The following CDH18 variants were observed in gnomAD, a reference collection of about 807,000 sequenced individuals.
CDH18 encodes cadherin 18.
Under a neutral mutation model 67.9 loss-of-function variants are expected in CDH18, and 31 were observed. The ratio of observed to expected loss-of-function variants is 0.46; its 90% CI spans 0.34 to 0.62. The LOEUF (loss-of-function observed/expected upper bound fraction) is 0.62. Ranked by LOEUF, CDH18 falls within the 20% of genes least tolerant of loss-of-function variation. The pLI is 0.01. For missense variants in CDH18, 890 were observed against 975.5 expected (o/e 0.91, Z 1.17); for synonymous variants, 362 against 347.2 (o/e 1.04, Z -0.48).
chr5:19,728,042 A>G (rs1283494738), intron 4 of CDH18, among the ~76,000 whole-genome samples: 1 of 152,168 alleles, frequency 6.6e-6, no homozygotes, highest in Non-Finnish European at 1.5e-5. Flanking sequence ...AGAAAAGAAA[A>G]AAAATTATTA....
intron 1 of CDH18, among the ~76,000 whole-genome samples, chr5:20,493,111 G>A (rs994450872): frequency 3.3e-5 from 5 of 151,812 alleles, no homozygotes; most frequent in African/African-American, 4.8e-5. Flanking sequence ...CACTCTAGGA[G>A]GCCTAGGCGG....
intron 2 of CDH18, among the ~76,000 whole-genome samples, chr5:20,185,162 C>CATGCCAT (rs1043960902): frequency 1.5e-4 from 23 of 152,216 alleles, no homozygotes; most frequent in Admixed American, 1.5e-3. Flanking sequence ...CTTCATCTCA[C>CATGCCAT]ATGCCATATC....
intron 1 of CDH18, among the ~76,000 whole-genome samples, chr5:20,373,758 T>C (rs1462800401): frequency 6.6e-6 from 1 of 152,046 alleles, no homozygotes; most frequent in African/African-American, 2.4e-5. Flanking sequence ...AGTGAATGAG[T>C]AAATATAGAC....
intron 8 of CDH18, among the ~76,000 whole-genome samples, chr5:19,562,882 T>A (rs1292072222): frequency 6.6e-6 from 1 of 152,174 alleles, no homozygotes; most frequent in Non-Finnish European, 1.5e-5. Flanking sequence ...TTTCATCATA[T>A]AAGAAATGTT....
intron 1 of CDH18, among the ~76,000 whole-genome samples, chr5:20,533,486 G>A (rs992134934): frequency 5.9e-5 from 9 of 152,106 alleles, no homozygotes; most frequent in Admixed American, 3.9e-4. Flanking sequence ...GAAAGAGGAT[G>A]AGCCTTAATC....
intron 3 of CDH18, among the ~76,000 whole-genome samples, chr5:19,751,575 T>G (rs1435171148): frequency 6.6e-6 from 1 of 152,168 alleles, no homozygotes; most frequent in Non-Finnish European, 1.5e-5. Context: ...TATCCTTCAT[T>G]CCAGAATGTA....
At chr5:19,693,404 A>G (rs1762150792) in intron 5 of CDH18, among the ~76,000 whole-genome samples, 2 of 152,230 alleles carry the variant, frequency 1.3e-5, no homozygotes, top group Non-Finnish European at 1.5e-5. Context: ...AACCATCTAA[A>G]ACATCTGAAG....
chr5:20,525,828 A>ACT (rs1020959793), intron 1 of CDH18, among the ~76,000 whole-genome samples: 2 of 151,524 alleles, frequency 1.3e-5, no homozygotes, highest in African/African-American at 4.9e-5. Context: ...ACACACACAC[A>ACT]CACATTGAGC....
chr5:19,553,038 C>G (rs1168046960), intron 8 of CDH18, among the ~76,000 whole-genome samples: 2 of 152,196 alleles, frequency 1.3e-5, no homozygotes, highest in Admixed American at 6.5e-5. Context: ...AAAAAACAGA[C>G]AGAAAATTTA....
chr5:20,259,510 C>T (rs1177705159), intron 1 of CDH18, among the ~76,000 whole-genome samples: 3 of 152,068 alleles, frequency 2.0e-5, no homozygotes, highest in African/African-American at 7.2e-5. Flanking sequence ...GGATGAAGGC[C>T]TTTATGACGA....
chr5:19,725,263 A>T (rs1245788596), intron 4 of CDH18, among the ~76,000 whole-genome samples: 1 of 152,088 alleles, frequency 6.6e-6, no homozygotes, highest in Non-Finnish European at 1.5e-5. Flanking sequence ...ACAACACTTG[A>T]TCCATAACCG....
intron 2 of CDH18, among the ~76,000 whole-genome samples, chr5:19,971,480 T>G (rs534215784): frequency 2.0e-5 from 3 of 152,128 alleles, no homozygotes; most frequent in Non-Finnish European, 4.4e-5. Context: ...GATAGTTTGT[T>G]TAAAAGAATG....
chr5:20,001,904 T>C (rs78806311), intron 2 of CDH18, among the ~76,000 whole-genome samples: 2,323 of 152,280 alleles, frequency 0.015, 61 homozygotes, highest in African/African-American at 0.053. Flanking sequence ...TGCAGTCACA[T>C]TGAGCATACA....
Position 19,662,304 on chromosome 5 carries a change from CAT to C in CDH18, c.644-49705_644-49704del, listed in dbSNP as rs373030322. On this transcript the variant is annotated intron_variant, in intron 5 of 12. Coordinates refer to ENST00000382275, the MANE Select transcript of CDH18 (RefSeq NM_004934.5). ...TATTCCGGCATTTATTTTAGGCCAA[CAT>C]GTTCTTCATACGAATAGGGGTGCTG... 2.9e-3 allele frequency among the ~76,000 whole-genome samples: 437 copies of C among 152,040 alleles called. 2 individuals carry two copies. Among genetic ancestry groups the C allele is most frequent in the African/African-American group, 8.7e-3 (362 of 41,492 alleles).
chr5:20,121,139 G>A (rs146486828), intron 2 of CDH18, among the ~76,000 whole-genome samples: 42 of 152,218 alleles, frequency 2.8e-4, no homozygotes, highest in Admixed American at 2.4e-3. Context: ...TGTGCAAAGC[G>A]CACAGTGTAT....
At chr5:20,505,045 G>A (rs1430127558) in intron 1 of CDH18, among the ~76,000 whole-genome samples, 1 of 151,986 alleles carries the variant, frequency 6.6e-6, no homozygotes, top group Non-Finnish European at 1.5e-5. Context: ...GGGATTACAG[G>A]TGTCGGCCAT....
intron 2 of CDH18, among the ~76,000 whole-genome samples, chr5:20,246,157 A>G (rs1342868100): frequency 6.6e-6 from 1 of 152,196 alleles, no homozygotes; most frequent in Non-Finnish European, 1.5e-5. Flanking sequence ...TCTTTGAGTT[A>G]ATTATATAAT....
chr5:19,533,378 T>A (rs942326183), intron 9 of CDH18, among the ~76,000 whole-genome samples: 1 of 151,668 alleles, frequency 6.6e-6, no homozygotes. Flanking sequence ...GTCAAGAGTC[T>A]TGTTAGAATG....
At chr5:20,155,738 G>T (rs1432686041) in intron 2 of CDH18, among the ~76,000 whole-genome samples, 1 of 151,998 alleles carries the variant, frequency 6.6e-6, no homozygotes, top group African/African-American at 2.4e-5. Flanking sequence ...TCCATCTAGG[G>T]TTAATTTTTG....
Sources: allele counts gnomAD v4.1 joint callset (sites outside exome capture counted in the v4.1 genomes callset), GRCh38; gene constraint gnomAD v4.1.1; transcripts MANE v1.5; gene names NCBI Gene and HGNC (gene_info 2026-07-23, HGNC 2026-07-21).